Variants in ABCF3 observed in about 807,000 individuals in gnomAD.
ABCF3 encodes ATP binding cassette subfamily F member 3.
ABCF3 carries 62 observed loss-of-function variants against 94.3 expected under a neutral mutation model. That is an observed-to-expected ratio of 0.66 (90% CI 0.54 to 0.81). The LOEUF (loss-of-function observed/expected upper bound fraction) is 0.81. Ranked by LOEUF, ABCF3 falls within the 40% of genes least tolerant of loss-of-function variation. The probability of loss-of-function intolerance (pLI) is 0.00; values close to 1 mark genes in which losing one functional copy is unlikely to be tolerated. For synonymous variants in ABCF3, 355 were observed against 361.1 expected (o/e 0.98, Z 0.19); for missense variants, 843 against 925.3 (o/e 0.91, Z 1.15).
chr3:184,190,198 T>A, intron 14 of ABCF3: 1 of 534,238 alleles, frequency 1.9e-6, no homozygotes, highest in South Asian at 2.2e-5. Context: ...TCATACAATA[T>A]GACCTTTGTG....
At chr3:184,192,490 T>G in intron 16 of ABCF3, 111 bp from the exon 17 acceptor site, 1 of 1,022,418 alleles carries the variant, frequency 9.8e-7, no homozygotes, top group South Asian at 1.5e-5. Context: ...TAACCACAAC[T>G]CTGCTCTCTA....
chr3:184,190,086 T>C (rs1433958065), intron 14 of ABCF3, 155 bp downstream of exon 14: 3 of 755,804 alleles, frequency 4.0e-6, no homozygotes, highest in Non-Finnish European at 6.5e-6. Context: ...TTCCACACTG[T>C]TCTTGGAGGG....
At chr3:184,192,552 G>C (rs199681068) in intron 16 of ABCF3, 49 bp from the exon 17 acceptor site, 1 of 1,529,884 alleles carries the variant, frequency 6.5e-7, no homozygotes, top group East Asian at 2.3e-5. Context: ...AGAACATACC[G>C]TATTTATTTT....
chr3:184,192,704 C>T lies in ABCF3; in HGVS notation c.1658+15C>T, dbSNP rs1188838695. On this transcript the variant is annotated intron_variant, in intron 17 of 20. Transcript: ENST00000429586. ...CACGCTCACAGGTCAGGCCCACCCG[C>T]ACCCCTGCCCCCATGAGCACATTTG... is the stretch of plus-strand genomic sequence containing the variant. 1.2e-6 allele frequency: 2 copies of T among 1,609,400 alleles called. No individual in the cohort carries two copies. The highest frequency in any genetic ancestry group is 2.2e-5 in the East Asian group (1 of 44,814).
In ABCF3 at chr3:184,193,645, G is replaced by C; in HGVS notation, c.2077G>C (p.Asp693His). Residue 693 changes from aspartate to histidine, a missense_variant, in exon 21 of 21, where the codon GAC becomes CAC. Coordinates refer to ENST00000429586, the MANE Select transcript of ABCF3 (RefSeq NM_018358.3). This position sits in a 1 kb window ranked among gnomAD's most constrained non-coding sequence, Gnocchi z 5.2. ...GGVTRVEGGF[D>H]QYRALLQEQF... The stretch of plus-strand genomic sequence containing the variant: ...CGTCACCCGTGTGGAAGGAGGATTT[G>C]ACCAGTACCGCGCCCTCCTCCAGGA... 1 of 1,614,096 alleles carries C rather than the reference G, an allele frequency of 6.2e-7. No homozygotes were observed. The highest frequency in any genetic ancestry group is 8.5e-7 in the Non-Finnish European group (1 of 1,179,970).
Position 184,193,508 on chromosome 3 carries a change from C to T in ABCF3, c.1972-32C>T, listed in dbSNP as rs1169774814. ...CCAGGCCTCGGTGCCTCTTGTGTCCCCCTGAGCACCTCCTGCCCTCCTGTC... is the reference window on the plus strand; with the variant it reads ...CCAGGCCTCGGTGCCTCTTGTGTCCTCCTGAGCACCTCCTGCCCTCCTGTC... On this transcript the variant is annotated intron_variant, in intron 20 of 20. Coordinates refer to ENST00000429586, the MANE Select transcript of ABCF3 (RefSeq NM_018358.3). This position sits in a 1 kb window ranked among gnomAD's most constrained non-coding sequence, Gnocchi z 5.2. 1 of 1,614,102 alleles carries T rather than the reference C, an allele frequency of 6.2e-7. No homozygotes were observed. Among genetic ancestry groups the T allele is most frequent in the East Asian group, 2.2e-5 (1 of 44,866 alleles).
intron 1 of ABCF3, 105 bp downstream of exon 1, chr3:184,186,385 G>A: frequency 2.5e-6 from 4 of 1,587,488 alleles, no homozygotes; most frequent in Non-Finnish European, 1.7e-6. Flanking sequence ...TCCTCTGCAT[G>A]ACCTCTTGTC....
At chr3:184,187,054 GTTCT>G in intron 3 of ABCF3, 179 bp downstream of exon 3, 1 of 682,762 alleles carries the variant, frequency 1.5e-6, no homozygotes, top group Non-Finnish European at 2.4e-6. Context: ...AGGTTGGAGG[GTTCT>G]CCCTCCAAGC....
chr3:184,192,465 C>T (rs944315277), intron 16 of ABCF3, 136 bp from the exon 17 acceptor site: 4 of 849,556 alleles, frequency 4.7e-6, no homozygotes, highest in Non-Finnish European at 5.4e-6. Flanking sequence ...CCCCCTTATC[C>T]TTCCCAGCCT....
intron 7 of ABCF3, 150 bp from the exon 8 acceptor site, chr3:184,188,611 C>T: frequency 2.0e-6 from 2 of 1,012,254 alleles, no homozygotes; most frequent in Non-Finnish European, 2.9e-6. Flanking sequence ...TTCCATAGTG[C>T]CCAAGGTAAT....
At chr3:184,186,756 T>A (rs1191950104) in intron 2 of ABCF3, 40 bp from the exon 3 acceptor site, 4 of 1,603,044 alleles carry the variant, frequency 2.5e-6, no homozygotes, top group Non-Finnish European at 3.4e-6. Flanking sequence ...AGCTTTTCCC[T>A]CAACTCCTAA....
intron 14 of ABCF3, chr3:184,190,165 C>T (rs935468525): frequency 5.2e-6 from 3 of 581,380 alleles, no homozygotes; most frequent in Non-Finnish European, 9.2e-6. Flanking sequence ...TCTGCTTATT[C>T]TGGGCATTTC....
At position 184,188,420 on chromosome 3, in the gene ABCF3, G is replaced by A. The variant is rs763508644; in HGVS notation, c.836+13G>A. On this transcript the variant is annotated intron_variant, in intron 7 of 20. Transcript: ENST00000429586. ...TTGCTGCTGGCAGGTGAGGACTCCC[G>A]GCTAGGGAGTAACTAGCAGCCGCTG... The A allele has an allele frequency of 7.5e-5, 120 of 1,597,186 alleles. No homozygotes were observed. In the East Asian group the frequency reaches 2.4e-3, roughly 32 times the overall value.
rs1318305003 is a variant in ABCF3 at position 184,190,907 on chromosome 3, G to A, written c.1392-92G>A. On this transcript the variant is annotated intron_variant, in intron 14 of 20. Coordinates refer to ENST00000429586, the MANE Select transcript of ABCF3 (RefSeq NM_018358.3). ...TGATACCTGAGTGGTAGGAGTACAAGCCCTTTCTAAGTTTTCTCTGAACAT... is the reference window on the plus strand; with the variant it reads ...TGATACCTGAGTGGTAGGAGTACAAACCCTTTCTAAGTTTTCTCTGAACAT... 4 of 1,457,008 alleles carry A rather than the reference G, an allele frequency of 2.7e-6. No homozygotes were observed. In the African/African-American group the frequency reaches 4.2e-5, roughly 15 times the overall value. The allele number at this position is 1,457,008 out of a possible 1,614,324, so 90.3% of individuals were successfully genotyped here. A position where few individuals can be genotyped will look rare whatever the true frequency, so the allele number is the denominator to read the frequency against.
At position 184,189,351 on chromosome 3, in the gene ABCF3, C is replaced by G. The variant is rs1560134384; in HGVS notation, c.1058-37C>G. 5 of 1,614,046 alleles carry G rather than the reference C, an allele frequency of 3.1e-6. No individual in the cohort carries two copies. The African/African-American group carries it at 6.7e-5, about 22-fold the overall frequency. On this transcript the variant is annotated intron_variant, in intron 11 of 20. Coordinates refer to ENST00000429586, the MANE Select transcript of ABCF3 (RefSeq NM_018358.3). ...GCATCCAAGTTCCTAGTTCTCCAGC[C>G]CTTCAATCCCAAGTGTGTGCTCCCC...
At chr3:184,189,782 G>A (rs1231952627) in intron 13 of ABCF3, 25 bp downstream of exon 13, 23 of 1,613,780 alleles carry the variant, frequency 1.4e-5, no homozygotes, top group East Asian at 2.2e-5. Flanking sequence ...AGGGCTGGGG[G>A]TCCCATCCCA....
intron 14 of ABCF3, 86 bp downstream of exon 14, chr3:184,190,017 T>G: frequency 7.0e-7 from 1 of 1,430,390 alleles, no homozygotes; most frequent in Non-Finnish European, 9.8e-7. Flanking sequence ...CCTACCATTC[T>G]AGGTCTCCCC....
chr3:184,189,115 G>A lies in ABCF3; in HGVS notation c.1005G>A (p.Arg335=), dbSNP rs1715843613. Residue 335 remains arginine, a synonymous_variant, in exon 10 of 21, where the codon AGG becomes AGA. Transcript: ENST00000429586. ...AGTTCTCAGGTGGCTGGAGGATGAG[G>A]CTGGCCCTGGCCCGGGCCCTCTTTG... ...TREFSGGWRM[R]LALARALFAR... The A allele has an allele frequency of 6.2e-7, 1 of 1,614,182 alleles. No individual in the cohort carries two copies. The highest frequency in any genetic ancestry group is 8.5e-7 in the Non-Finnish European group (1 of 1,180,038).
chr3:184,189,295 C>T lies in ABCF3; in HGVS notation c.1057+18C>T. 6.2e-7 allele frequency: 1 copy of T among 1,614,200 alleles called. No individual in the cohort carries two copies. The highest frequency in any genetic ancestry group is 8.5e-7 in the Non-Finnish European group (1 of 1,180,034). ...GTTAGATGGTGAGTTTGAAATGGGG[C>T]ACCCTGACTTTAGGATGGGCAGGGG... On this transcript the variant is annotated intron_variant, in intron 11 of 20. Coordinates refer to ENST00000429586, the MANE Select transcript of ABCF3 (RefSeq NM_018358.3).
Sources: gnomAD v4.1 joint callset for allele counts on GRCh38, gnomAD v4.1.1 for gene constraint, Gnocchi (gnomAD v3.1) non-coding constraint, MANE v1.5 for transcripts, NCBI Gene and HGNC (gene_info 2026-07-23, HGNC 2026-07-21) for gene names.